The following CCDC88C variants were observed in gnomAD, a reference collection of about 807,000 sequenced individuals.
CCDC88C encodes the protein protein Daple.
CCDC88C carries 131 observed loss-of-function variants against 198.8 expected under a neutral mutation model. The ratio of observed to expected loss-of-function variants is 0.66; its 90% confidence interval spans 0.57 to 0.76. CCDC88C has a LOEUF of 0.76. CCDC88C is among the 30% of genes least tolerant of loss of function. The pLI is 0.00. For synonymous variants in CCDC88C, 1,166 were observed against 1,114.7 expected, an observed-to-expected ratio of 1.05 and a Z score of -0.92; for missense variants, 2,553 against 2,631.6, an observed-to-expected ratio of 0.97 and a Z score of 0.65.
At chr14:91,286,019 A>T (rs1401881713) in intron 25 of CCDC88C, among the ~76,000 whole-genome samples, 2 of 152,198 alleles carry the variant, frequency 1.3e-5, no homozygotes, top group African/African-American at 2.4e-5. Flanking sequence ...AGGGCTCAGT[A>T]ATCATCTGTG....
chr14:91,417,015 C>T (rs1887097289), intron 1 of CCDC88C, 177 bp from the exon 2 acceptor site: 1 of 689,620 alleles, frequency 1.5e-6, no homozygotes, highest in Admixed American at 2.1e-5. Context: ...TGTCTCCCCT[C>T]CCCGCGCGGG....
chr14:91,392,896 G>C (rs1381425522), intron 3 of CCDC88C, among the ~76,000 whole-genome samples: 1 of 152,162 alleles, frequency 6.6e-6, no homozygotes. Context: ...GAGAAAACAA[G>C]TCAGGGCCAG....
chr14:91,306,963 C>A, intron 18 of CCDC88C, 75 bp downstream of exon 18: 1 of 1,406,062 alleles, frequency 7.1e-7, no homozygotes, highest in South Asian at 1.5e-5. Context: ...AATGACAAGT[C>A]ATCAATGGGA....
intron 3 of CCDC88C, among the ~76,000 whole-genome samples, chr14:91,397,045 C>T (rs891086937): frequency 7.9e-5 from 12 of 151,998 alleles, no homozygotes; most frequent in African/African-American, 1.2e-4. Flanking sequence ...CTTGAGCAAA[C>T]GGTGAAAAAA....
At chr14:91,297,256 T>C (rs765077728) in intron 22 of CCDC88C, 49 bp downstream of exon 22, 5 of 1,575,736 alleles carry the variant, frequency 3.2e-6, no homozygotes, top group East Asian at 4.6e-5. Flanking sequence ...GGCTGTCCCC[T>C]TGGGGGACTC....
At chr14:91,404,034 G>A (rs1412765043) in intron 3 of CCDC88C, among the ~76,000 whole-genome samples, 3 of 152,266 alleles carry the variant, frequency 2.0e-5, no homozygotes, top group South Asian at 2.1e-4. Flanking sequence ...GGCCAGCCAG[G>A]CTGAGGCAGC....
At chr14:91,353,671 C>T (rs575340858) in intron 4 of CCDC88C, among the ~76,000 whole-genome samples, 8 of 152,328 alleles carry the variant, frequency 5.3e-5, no homozygotes, top group African/African-American at 1.4e-4. Context: ...GAAGGAAGGT[C>T]GGTCACAGCA....
intron 4 of CCDC88C, among the ~76,000 whole-genome samples, chr14:91,353,652 C>T (rs1012340234): frequency 2.0e-5 from 3 of 152,224 alleles, no homozygotes; most frequent in Non-Finnish European, 4.4e-5. Flanking sequence ...GAGTTCTGCA[C>T]TCAGCTGAGA....
Position 91,271,709 on chromosome 14 carries a change from A to G in CCDC88C, c.*916T>C, listed in dbSNP as rs1352847737. ...AAAAAAAATTGGTTTCTATACCCAA[A>G]AAGTTATTCAGAAATAAATCAACAC... On this transcript the variant is annotated 3_prime_UTR_variant, in exon 30 of 30. Coordinates refer to ENST00000389857, the MANE Select transcript of CCDC88C (RefSeq NM_001080414.4). The G allele has an allele frequency of 6.6e-6, 1 of 152,310 alleles. No homozygotes were observed. The allele number at this position is 152,310 out of a possible 1,614,324, so 9.4% of individuals were successfully genotyped here. A position where few individuals can be genotyped will look rare whatever the true frequency, so the allele number is the denominator to read the frequency against.
At chr14:91,329,891 G>A (rs1443599576) in intron 10 of CCDC88C, among the ~76,000 whole-genome samples, 1 of 152,260 alleles carries the variant, frequency 6.6e-6, no homozygotes, top group Non-Finnish European at 1.5e-5. Flanking sequence ...CCCTGAGAAT[G>A]TGAAGGCCCA....
chr14:91,367,577 G>A (rs1894600086), intron 3 of CCDC88C, among the ~76,000 whole-genome samples: 1 of 152,126 alleles, frequency 6.6e-6, no homozygotes, highest in Non-Finnish European at 1.5e-5. Context: ...AGCGAGCAGA[G>A]AACTCTCGGC....
At chr14:91,353,518 T>C (rs1221487724) in intron 4 of CCDC88C, among the ~76,000 whole-genome samples, 1 of 152,160 alleles carries the variant, frequency 6.6e-6, no homozygotes, top group Non-Finnish European at 1.5e-5. Flanking sequence ...GCTGAGCTCC[T>C]TTTGTGAGCC....
intron 3 of CCDC88C, among the ~76,000 whole-genome samples, chr14:91,390,833 C>G (rs1464715708): frequency 6.6e-6 from 1 of 152,138 alleles, no homozygotes; most frequent in Non-Finnish European, 1.5e-5. Context: ...CTATCAGAAC[C>G]AGAGAGCGCA....
In CCDC88C at chr14:91,343,664, CAA is replaced by C. The variant is rs756496395; in HGVS notation, c.341-9_341-8del. The C allele has an allele frequency of 5.0e-6, 8 of 1,613,392 alleles. No homozygotes were observed. The South Asian group carries it at 7.7e-5, about 16-fold the overall frequency. On this transcript the variant is annotated splice_polypyrimidine_tract_variant and splice_region_variant and intron_variant, in intron 4 of 29. Coordinates refer to ENST00000389857, the MANE Select transcript of CCDC88C (RefSeq NM_001080414.4). Reference sequence around the variant, plus strand: ...ATTTCCTCCATGCTCTTCCCTAGATCAAGAGAGCAACACATTTAACTCAGCTC... The same window carrying C: ...ATTTCCTCCATGCTCTTCCCTAGATCGAGAGCAACACATTTAACTCAGCTC...
chr14:91,365,547 C>T (rs1869580001), intron 3 of CCDC88C, among the ~76,000 whole-genome samples: 1 of 152,208 alleles, frequency 6.6e-6, no homozygotes, highest in African/African-American at 2.4e-5. Context: ...ATCCACTCAA[C>T]CACGTTCGCC....
At chr14:91,417,225 T>A (rs1264333365) in intron 1 of CCDC88C, 1 of 702,420 alleles carries the variant, frequency 1.4e-6, no homozygotes, top group East Asian at 2.7e-5. Flanking sequence ...ATCCACCGGC[T>A]GGTCTCAGGG....
rs752460282 is a variant in CCDC88C at position 91,339,915 on chromosome 14, C to T, written c.593G>A (p.Arg198Lys). 2 of 1,593,198 alleles carry T rather than the reference C, an allele frequency of 1.3e-6. No individual in the cohort carries two copies. The highest frequency in any genetic ancestry group is 8.5e-7 in the Non-Finnish European group (1 of 1,171,068). The change falls in exon 7 of 30, where the codon AGG becomes AAG. Residue 198 changes from arginine to lysine, a missense_variant. Around this residue, in one of 2 missense-constraint regions of CCDC88C, gnomAD observed 1,260 missense variants for 1,412.0 expected, o/e 0.89. Coordinates refer to ENST00000389857, the MANE Select transcript of CCDC88C (RefSeq NM_001080414.4). The surrounding 1 kb of genome is among the most constrained non-coding windows in gnomAD (Gnocchi z 5.8). ...LSRSMVLHLR[R>K]LIDQRDECTE... ...GCACTCGTCCCGCTGGTCGATGAGCCTCCGCAGGTGGAGCACCATGCTCCT... is the reference window on the plus strand; with the variant it reads ...GCACTCGTCCCGCTGGTCGATGAGCTTCCGCAGGTGGAGCACCATGCTCCT...
Position 91,367,294 on chromosome 14 carries a change from C to T in CCDC88C, c.271-7583G>A, listed in dbSNP as rs183091390. Among the ~76,000 whole-genome samples the T allele has an allele frequency of 2.6e-3, 402 of 152,304 alleles. 1 individual carries two copies. Among genetic ancestry groups the T allele is most frequent in the Middle Eastern group, 0.014 (4 of 294 alleles). ...ACAGGCATTCAGGATGAAGGTGACG[C>T]TCACGGTTGCCAAGGAGACCAAGAT... On this transcript the variant is annotated intron_variant, in intron 3 of 29. Transcript: ENST00000389857.
At chr14:91,317,539 A>G (rs1892152776) in intron 13 of CCDC88C, among the ~76,000 whole-genome samples, 1 of 152,222 alleles carries the variant, frequency 6.6e-6, no homozygotes, top group African/African-American at 2.4e-5. Context: ...TGGGCTGGGC[A>G]CTGGGGCCAA....
Sources: allele counts gnomAD v4.1 joint callset (sites outside exome capture counted in the v4.1 genomes callset), GRCh38; gene constraint gnomAD v4.1.1; regional missense constraint gnomAD v4.1.1; non-coding constraint Gnocchi (gnomAD v3.1); transcripts MANE v1.5; gene names NCBI Gene and HGNC (gene_info 2026-07-23, HGNC 2026-07-21).